BTN2A1: variants seen among roughly 807,000 people sequenced by gnomAD.
BTN2A1 encodes butyrophilin, subfamily 2, member A1.
A neutral mutation model predicts 34.5 loss-of-function variants in BTN2A1; 41 were observed. The observed-to-expected ratio is 1.19, with a 90% confidence interval of 0.93 to 1.54. The LOEUF (loss-of-function observed/expected upper bound fraction) is 1.54, where lower values mean the gene tolerates loss of function less well. BTN2A1 is among the 40% of genes most tolerant of loss of function. BTN2A1 has a pLI of 0.00. For synonymous variants in BTN2A1, 267 were observed against 258.6 expected, an observed-to-expected ratio of 1.03 and a Z score of -0.31; for missense variants, 642 against 662.0, an observed-to-expected ratio of 0.97 and a Z score of 0.33.
At position 26,468,600 on chromosome 6, in the gene BTN2A1, C is replaced by T; in HGVS notation, c.*51C>T. On this transcript the variant is annotated 3_prime_UTR_variant, in exon 8 of 8. Transcript: ENST00000312541. ...TGTAGACAAGCCCTGGTCATCTCAG[C>T]AGCCACCGCACAACACCCCTGGTGG... The T allele has an allele frequency of 6.2e-7, 1 of 1,614,168 alleles. No individual in the cohort carries two copies. Among genetic ancestry groups the T allele is most frequent in the South Asian group, 1.1e-5 (1 of 91,088 alleles).
At chr6:26,458,408 C>T (rs531848316) in intron 1 of BTN2A1, among the ~76,000 whole-genome samples, 199 bp from the exon 2 acceptor site, 6 of 152,226 alleles carry the variant, frequency 3.9e-5, no homozygotes, top group East Asian at 1.9e-4. Flanking sequence ...GGAAAAAGGC[C>T]CCCTTGATCT....
At chr6:26,461,576 C>T (rs1463974493) in intron 3 of BTN2A1, among the ~76,000 whole-genome samples, 1 of 152,080 alleles carries the variant, frequency 6.6e-6, no homozygotes, top group Non-Finnish European at 1.5e-5. Flanking sequence ...CGAGGTCAGG[C>T]GCTGGAGACC....
chr6:26,463,662 T>A, intron 4 of BTN2A1, 137 bp downstream of exon 4: 1 of 1,051,040 alleles, frequency 9.5e-7, no homozygotes, highest in Non-Finnish European at 1.4e-6. Context: ...TGCAGCTGAG[T>A]GAAGCCTTTC....
At position 26,469,109 on chromosome 6, in the gene BTN2A1, C is replaced by A; in HGVS notation, c.*560C>A. The A allele has an allele frequency of 9.1e-7, 1 of 1,098,294 alleles. No individual in the cohort carries two copies. Among genetic ancestry groups the A allele is most frequent in the Non-Finnish European group, 1.1e-6 (1 of 895,976 alleles). The allele number at this position is 1,098,294 out of a possible 1,614,324, so 68.0% of individuals were successfully genotyped here. A position where few individuals can be genotyped will look rare whatever the true frequency, so the allele number is the denominator to read the frequency against. On this transcript the variant is annotated 3_prime_UTR_variant, in exon 8 of 8. Transcript: ENST00000312541. ...GGACCTGGGAGATGATGGCTCATTT[C>A]CACCCAGCCCCAGGATTTCCAGAGC...
chr6:26,475,679 G>C (rs760410419), intron 7 of BTN2A1, among the ~76,000 whole-genome samples: 20 of 152,062 alleles, frequency 1.3e-4, no homozygotes, highest in Non-Finnish European at 1.8e-4. Context: ...AGGCTGAGTT[G>C]GGAGGATCAC....
chr6:26,474,983 G>C (rs1763514684), intron 7 of BTN2A1, among the ~76,000 whole-genome samples: 1 of 152,172 alleles, frequency 6.6e-6, no homozygotes, highest in African/African-American at 2.4e-5. Context: ...GGCTGGTACT[G>C]AACTCCTGAC....
intron 1 of BTN2A1, 27 bp from the exon 2 acceptor site, chr6:26,458,580 T>A: frequency 6.3e-7 from 1 of 1,594,858 alleles, no homozygotes; most frequent in South Asian, 1.1e-5. Context: ...CCAAGACTCC[T>A]AGGCTGATTC....
downstream of BTN2A1, among the ~76,000 whole-genome samples, chr6:26,470,324 G>A (rs1763426038): frequency 6.6e-6 from 1 of 152,142 alleles, no homozygotes; most frequent in South Asian, 2.1e-4. Context: ...TCCAGCCTGG[G>A]TGAAAGAGTG....
At chr6:26,472,977 C>T (rs1330762528), downstream of BTN2A1, among the ~76,000 whole-genome samples, 1 of 152,070 alleles carries the variant, frequency 6.6e-6, no homozygotes, top group Non-Finnish European at 1.5e-5. Context: ...AAGATGGCCA[C>T]AACAGTGTAA....
downstream of BTN2A1, among the ~76,000 whole-genome samples, chr6:26,471,897 A>T (rs1763459259): frequency 6.6e-6 from 1 of 152,242 alleles, no homozygotes; most frequent in Admixed American, 6.5e-5. Flanking sequence ...TAGAGATTCC[A>T]TACTCAACTT....
chr6:26,459,891 C>T (rs1391474999), intron 3 of BTN2A1, 63 bp downstream of exon 3: 3 of 1,503,412 alleles, frequency 2.0e-6, no homozygotes, highest in South Asian at 1.3e-5. Context: ...AGTTTCTCTC[C>T]TAACCTCAGG....
Position 26,467,945 on chromosome 6 carries a change from C to T in BTN2A1, c.983-3C>T, listed in dbSNP as rs773101048. On this transcript the variant is annotated splice_region_variant and splice_polypyrimidine_tract_variant and intron_variant, in intron 7 of 7. Coordinates refer to ENST00000312541, the MANE Select transcript of BTN2A1 (RefSeq NM_007049.5). Reference sequence around the variant, plus strand: ...AGGCCTAAACCTGAGACTTCCTCTGCAGTTGATGTGGTCCTGGATCCAGAC... The same window carrying T: ...AGGCCTAAACCTGAGACTTCCTCTGTAGTTGATGTGGTCCTGGATCCAGAC... 2 of 1,610,072 alleles carry T rather than the reference C, an allele frequency of 1.2e-6. No homozygotes were observed. Among genetic ancestry groups the T allele is most frequent in the South Asian group, 1.1e-5 (1 of 90,900 alleles).
intron 7 of BTN2A1, 180 bp from the exon 8 acceptor site, chr6:26,467,768 C>T (rs753907629): frequency 2.8e-5 from 44 of 1,574,696 alleles, no homozygotes; most frequent in Non-Finnish European, 3.4e-5. Context: ...TCTGGAGAGA[C>T]AGAAGTGCAG....
At chr6:26,463,941 C>T (rs1024483980) in intron 4 of BTN2A1, among the ~76,000 whole-genome samples, 3 of 152,068 alleles carry the variant, frequency 2.0e-5, no homozygotes, top group Non-Finnish European at 4.4e-5. Context: ...GCTAGGACTA[C>T]AGGCACACGC....
exon 8 of BTN2A1, chr6:26,476,171 G>T (rs988660881): frequency 1.8e-5 from 27 of 1,536,348 alleles, no homozygotes; most frequent in Non-Finnish European, 2.4e-5. Flanking sequence ...GGTGGTGAGT[G>T]GGTGCTGATG....
At chr6:26,471,687 G>C (rs1425154783), downstream of BTN2A1, among the ~76,000 whole-genome samples, 1 of 149,564 alleles carries the variant, frequency 6.7e-6, no homozygotes, top group Non-Finnish European at 1.5e-5. Flanking sequence ...AGGAAGGAAG[G>C]AAAAGTAACT....
intron 7 of BTN2A1, chr6:26,467,648 C>A: frequency 6.8e-7 from 1 of 1,463,158 alleles, no homozygotes. Flanking sequence ...GGGAACACAT[C>A]TTAGAATGCT....
chr6:26,461,666 C>G (rs1157566338), intron 3 of BTN2A1, among the ~76,000 whole-genome samples: 1 of 151,000 alleles, frequency 6.6e-6, no homozygotes, highest in East Asian at 1.9e-4. Flanking sequence ...GCCTGTAGTC[C>G]CAGCTACTTG....
intron 7 of BTN2A1, among the ~76,000 whole-genome samples, chr6:26,474,822 T>C (rs1247167986): frequency 1.3e-5 from 2 of 150,142 alleles, no homozygotes; most frequent in Non-Finnish European, 2.9e-5. Context: ...CAATCTCGGC[T>C]CACTGCAGCA....
Sources: allele counts gnomAD v4.1 joint callset (sites outside exome capture counted in the v4.1 genomes callset), GRCh38; gene constraint gnomAD v4.1.1; transcripts MANE v1.5; gene names NCBI Gene and HGNC (gene_info 2026-07-23, HGNC 2026-07-21).